The following PRIM2 variants were observed in gnomAD, a reference collection of about 807,000 sequenced individuals.
PRIM2 encodes DNA primase subunit 2.
A neutral mutation model predicts 67.3 loss-of-function variants in PRIM2; 39 were observed. The ratio of observed to expected loss-of-function variants is 0.58; its 90% confidence interval spans 0.45 to 0.76. The LOEUF is 0.76. Ranked by LOEUF, PRIM2 falls within the 30% of genes least tolerant of loss-of-function variation. The probability of loss-of-function intolerance (pLI) is 0.00; values close to 1 mark genes in which losing one functional copy is unlikely to be tolerated. For missense variants in PRIM2, 398 were observed against 598.7 expected, an observed-to-expected ratio of 0.66 and a Z score of 3.50; for synonymous variants, 143 against 198.7, an observed-to-expected ratio of 0.72 and a Z score of 2.36.
At chr6:57,571,862 C>T (rs1775869746) in intron 10 of PRIM2, among the ~76,000 whole-genome samples, 1 of 152,194 alleles carries the variant, frequency 6.6e-6, no homozygotes, top group African/African-American at 2.4e-5. Context: ...AGAAAATGTG[C>T]AAGGCACCTG....
At chr6:57,356,931 CTTT>C (rs761605036) in intron 5 of PRIM2, among the ~76,000 whole-genome samples, 3 of 120,768 alleles carry the variant, frequency 2.5e-5, no homozygotes, top group Middle Eastern at 4.2e-3. Context: ...CCAATCCATT[CTTT>C]TTTTTTTTTT....
chr6:57,300,425 G>A, the PRIM2 span, among the ~76,000 whole-genome samples: 1 of 152,072 alleles, frequency 6.6e-6, no homozygotes, highest in African/African-American at 2.4e-5. Flanking sequence ...GTCCTGTCTC[G>A]TGTGCCTGTA....
chr6:57,610,303 G>A (rs2127494025), intron 12 of PRIM2, among the ~76,000 whole-genome samples: 1 of 152,200 alleles, frequency 6.6e-6, no homozygotes, highest in East Asian at 1.9e-4. Flanking sequence ...CCTGACCTTG[G>A]GTGGGAGGCC....
At chr6:57,627,043 G>A (rs1351637314) in intron 12 of PRIM2, among the ~76,000 whole-genome samples, 1 of 151,664 alleles carries the variant, frequency 6.6e-6, no homozygotes, top group Non-Finnish European at 1.5e-5. Context: ...CACTTTTGGA[G>A]ACCGAGGCTG....
chr6:57,367,494 C>T (rs1261882099), intron 5 of PRIM2, among the ~76,000 whole-genome samples: 1 of 152,140 alleles, frequency 6.6e-6, no homozygotes, highest in Non-Finnish European at 1.5e-5. Flanking sequence ...ACAACAATTC[C>T]AAAACCTAAC....
the PRIM2 span, among the ~76,000 whole-genome samples, chr6:57,241,676 G>A: frequency 5.6e-5 from 8 of 142,354 alleles, no homozygotes; most frequent in East Asian, 2.1e-4. Context: ...ACTAAACTAT[G>A]CAGAACTATG....
At chr6:57,545,039 T>C (rs1320950483) in intron 10 of PRIM2, among the ~76,000 whole-genome samples, 2 of 152,174 alleles carry the variant, frequency 1.3e-5, no homozygotes, top group African/African-American at 2.4e-5. Context: ...TAACAAGTTA[T>C]AGAATTTAAG....
intron 10 of PRIM2, among the ~76,000 whole-genome samples, chr6:57,587,849 A>G (rs2127487408): frequency 1.3e-5 from 2 of 152,142 alleles, no homozygotes; most frequent in South Asian, 4.2e-4. Flanking sequence ...TTGACTTTTT[A>G]ATAGCCAAAT....
chr6:57,499,616 TA>T (rs1339342568), intron 7 of PRIM2, among the ~76,000 whole-genome samples: 1 of 152,174 alleles, frequency 6.6e-6, no homozygotes, highest in Non-Finnish European at 1.5e-5. Context: ...CAACTGTCCA[TA>T]AAAAACACAC....
intron 10 of PRIM2, among the ~76,000 whole-genome samples, chr6:57,598,252 T>C (rs1582012402): frequency 6.6e-6 from 1 of 152,230 alleles, no homozygotes. Context: ...TAGTTTAAGA[T>C]TGTGCTCTAG....
At chr6:57,535,394 GT>G (rs1384470714) in intron 9 of PRIM2, among the ~76,000 whole-genome samples, 3 of 152,166 alleles carry the variant, frequency 2.0e-5, no homozygotes, top group African/African-American at 7.2e-5. Context: ...TGGTGCTCAA[GT>G]TTTGCCCTTG....
intron 7 of PRIM2, among the ~76,000 whole-genome samples, chr6:57,409,581 T>A (rs1771015526): frequency 6.6e-6 from 1 of 152,214 alleles, no homozygotes; most frequent in Admixed American, 6.5e-5. Flanking sequence ...GATAGATATG[T>A]TCATCTCCAG....
chr6:57,403,727 T>C (rs1156252364), intron 7 of PRIM2, among the ~76,000 whole-genome samples: 1 of 152,188 alleles, frequency 6.6e-6, no homozygotes, highest in Non-Finnish European at 1.5e-5. Flanking sequence ...TTTTATCATA[T>C]AGAAATAATT....
chr6:57,507,678 C>A lies in PRIM2; in HGVS notation c.761+224C>A, dbSNP rs1453311090. Among the ~76,000 whole-genome samples the A allele has an allele frequency of 2.0e-5, 3 of 152,104 alleles. No individual in the cohort carries two copies. The South Asian group carries it at 6.2e-4, about 32-fold the overall frequency. On this transcript the variant is annotated intron_variant, in intron 8 of 13. Coordinates refer to ENST00000615550, the MANE Select transcript of PRIM2 (RefSeq NM_000947.5). ...TTTAATTCAACAACAGTGTGCTGAA[C>A]TGCTTGATAAGTTTAAGTTAAATGA...
At position 57,547,231 on chromosome 6, in the gene PRIM2, C is replaced by G. The variant is rs1185361535; in HGVS notation, c.1020+9606C>G. Among the ~76,000 whole-genome samples, 208 of 152,054 alleles carry G rather than the reference C, an allele frequency of 1.4e-3. 1 individual carries two copies. Among genetic ancestry groups the G allele is most frequent in the Middle Eastern group, 6.8e-3 (2 of 294 alleles). On this transcript the variant is annotated intron_variant, in intron 10 of 13. Transcript: ENST00000615550. Reference sequence around the variant, plus strand: ...GGGTGCAAGAGATATAAAATCAAACCTTTATTTATTTATTTTTTATTTTTA... The same window carrying G: ...GGGTGCAAGAGATATAAAATCAAACGTTTATTTATTTATTTTTTATTTTTA...
chr6:57,324,116 C>A, intron 3 of PRIM2, 85 bp from the exon 4 acceptor site: 1 of 715,222 alleles, frequency 1.4e-6, no homozygotes, highest in Non-Finnish European at 2.4e-6. Flanking sequence ...ACTTACTTTA[C>A]CATTGGCTTA....
At chr6:57,243,726 C>T in the PRIM2 span, among the ~76,000 whole-genome samples, 3 of 152,154 alleles carry the variant, frequency 2.0e-5, no homozygotes, top group African/African-American at 4.8e-5. Flanking sequence ...CATCCCGCCT[C>T]GGCCTCCCGA....
At chr6:57,446,430 T>TTTTTTTTTTTTTTTTTTTTTTTTTG (rs1772369206) in intron 7 of PRIM2, among the ~76,000 whole-genome samples, 1 of 139,452 alleles carries the variant, frequency 7.2e-6, no homozygotes, top group Non-Finnish European at 1.6e-5. Context: ...TTTTTTTTTT[T>TTTTTTTTTTTTTTTTTTTTTTTTTG]TTTGAGACAG....
intron 10 of PRIM2, among the ~76,000 whole-genome samples, chr6:57,538,030 A>G (rs1218659983): frequency 1.4e-5 from 2 of 146,910 alleles, no homozygotes; most frequent in African/African-American, 5.0e-5. Flanking sequence ...TTTTTTTTCG[A>G]GACAGGGTCT....
Sources: gnomAD v4.1 joint callset for allele counts (sites outside exome capture counted in the v4.1 genomes callset) on GRCh38, gnomAD v4.1.1 for gene constraint, MANE v1.5 for transcripts, NCBI Gene and HGNC (gene_info 2026-07-23, HGNC 2026-07-21) for gene names.